The following WWOX variants were observed in gnomAD, a reference collection of about 807,000 sequenced individuals.
The protein encoded by WWOX is WW domain containing oxidoreductase.
Under a neutral mutation model 46.2 loss-of-function variants are expected in WWOX, and 69 were observed. The ratio of observed to expected loss-of-function variants is 1.49; its 90% CI spans 1.23 to 1.82. WWOX has a LOEUF of 1.82. Among genes scored for constraint, WWOX ranks in the 40% most tolerant of loss-of-function variants. The pLI is 0.00. For missense variants in WWOX, 919 were observed against 542.6 expected (o/e 1.69, Z -6.89); for synonymous variants, 359 against 202.6 (o/e 1.77, Z -6.56).
At chr16:78,538,372 A>G (rs2043810338) in intron 8 of WWOX, among the ~76,000 whole-genome samples, 1 of 152,072 alleles carries the variant, frequency 6.6e-6, no homozygotes, top group Admixed American at 6.6e-5. Context: ...TTTGTTTAAT[A>G]TTTTAATTTC....
intron 5 of WWOX, among the ~76,000 whole-genome samples, chr16:78,386,507 G>C (rs913499133): frequency 2.0e-5 from 3 of 152,046 alleles, no homozygotes; most frequent in African/African-American, 7.2e-5. Context: ...CCATGATCGA[G>C]GCGTTGTCGT....
Position 78,927,493 on chromosome 16 carries a change from A to C in WWOX, c.1057-284115A>C, listed in dbSNP as rs549963919. Among the ~76,000 whole-genome samples the C allele has an allele frequency of 2.2e-4, 34 of 152,264 alleles. No homozygotes were observed. In the South Asian group the frequency reaches 6.8e-3, roughly 31 times the overall value. On this transcript the variant is annotated intron_variant, in intron 8 of 8. Coordinates refer to ENST00000566780, the MANE Select transcript of WWOX (RefSeq NM_016373.4). ...TTTTCATCCCCTTGCCTCAGCACGG[A>C]GCCCAGAGCCAGACTGCAGGTAGGC... is the stretch of plus-strand genomic sequence containing the variant.
In WWOX at chr16:78,212,485, T is replaced by C. The variant is rs767860831; in HGVS notation, c.516+48196T>C. Among the ~76,000 whole-genome samples, 50 of 152,324 alleles carry C rather than the reference T, an allele frequency of 3.3e-4. 1 individual carries two copies. Among genetic ancestry groups the C allele is most frequent in the African/African-American group, 1.2e-3 (48 of 41,570 alleles). On this transcript the variant is annotated intron_variant, in intron 5 of 8. Transcript: ENST00000566780. Reference sequence around the variant, plus strand: ...TCTTTGACTACCTCTGTAGTTTATATTGGATTCTGCAAAGTCCCATGAGGA... The same window carrying C: ...TCTTTGACTACCTCTGTAGTTTATACTGGATTCTGCAAAGTCCCATGAGGA...
At chr16:79,157,431 AAAAAAG>A (rs1279672413) in intron 8 of WWOX, among the ~76,000 whole-genome samples, 1 of 146,754 alleles carries the variant, frequency 6.8e-6, no homozygotes. Flanking sequence ...CCAAAAAAAA[AAAAAAG>A]AAAGAAACCA....
chr16:79,068,212 G>A (rs919950075), intron 8 of WWOX, among the ~76,000 whole-genome samples: 1 of 152,162 alleles, frequency 6.6e-6, no homozygotes, highest in African/African-American at 2.4e-5. Flanking sequence ...AAAAATAGTA[G>A]CAACGGTAAC....
chr16:78,546,139 T>G (rs2667647), intron 8 of WWOX, among the ~76,000 whole-genome samples: 1 of 152,026 alleles, frequency 6.6e-6, no homozygotes, highest in African/African-American at 2.4e-5. Context: ...TAAAGAAATT[T>G]ACATAATTAA....
chr16:78,793,700 G>A (rs914851111), intron 8 of WWOX, among the ~76,000 whole-genome samples: 2 of 152,002 alleles, frequency 1.3e-5, no homozygotes, highest in Non-Finnish European at 2.9e-5. Context: ...ATTACATTCA[G>A]AAATGTTGCA....
rs1472064777 is a variant in WWOX at position 78,422,165 on chromosome 16, G to A, written c.606-2705G>A. ...TAAGAAGATACGTGTTTGTCTCATA[G>A]ATTTGTAAGAACTCTTTATATACTA... On this transcript the variant is annotated intron_variant, in intron 6 of 8. Coordinates refer to ENST00000566780, the MANE Select transcript of WWOX (RefSeq NM_016373.4). 4.6e-5 allele frequency among the ~76,000 whole-genome samples: 7 copies of A among 152,224 alleles called. No homozygotes were observed. The East Asian group carries it at 1.4e-3, about 29-fold the overall frequency.
intron 8 of WWOX, among the ~76,000 whole-genome samples, chr16:79,074,384 C>CATCCTGACTG (rs1234519145): frequency 7.5e-6 from 1 of 133,758 alleles, no homozygotes; most frequent in Non-Finnish European, 1.6e-5. Context: ...AGCCGAATCT[C>CATCCTGACTG]ATCCTGACTG....
chr16:79,029,919 C>T (rs1056235069), intron 8 of WWOX, among the ~76,000 whole-genome samples: 1 of 152,132 alleles, frequency 6.6e-6, no homozygotes. Flanking sequence ...GGTCACTTTA[C>T]TGGTATAATA....
At chr16:78,954,423 G>C (rs1270049558) in intron 8 of WWOX, among the ~76,000 whole-genome samples, 2 of 152,188 alleles carry the variant, frequency 1.3e-5, no homozygotes, top group Non-Finnish European at 2.9e-5. Context: ...TGAGTAGTTG[G>C]ATGGATGGAT....
intron 8 of WWOX, among the ~76,000 whole-genome samples, chr16:78,452,293 T>A (rs2151413009): frequency 6.6e-6 from 1 of 152,260 alleles, no homozygotes; most frequent in Admixed American, 6.5e-5. Context: ...CAGATTTAGA[T>A]TTTTTCAATT....
At position 78,362,032 on chromosome 16, in the gene WWOX, T is replaced by G. The variant is rs143474529; in HGVS notation, c.517-24828T>G. Among the ~76,000 whole-genome samples, 713 of 150,934 alleles carry G rather than the reference T, an allele frequency of 4.7e-3. 11 individuals are homozygous for G. The highest frequency in any genetic ancestry group is 0.017 in the African/African-American group (680 of 41,096). ...TTCTGTTGCTGAAACCATTCCAGCT[T>G]TTTCTGGTTGGCTTCTATGAAGGAC... On this transcript the variant is annotated intron_variant, in intron 5 of 8. Transcript: ENST00000566780.
At chr16:79,089,639 A>G (rs781373742) in intron 8 of WWOX, among the ~76,000 whole-genome samples, 8 of 152,296 alleles carry the variant, frequency 5.3e-5, no homozygotes, top group East Asian at 1.9e-4. Flanking sequence ...TAAGGTGGCA[A>G]TCTTTATACA....
At chr16:78,121,658 G>A (rs1421881151) in intron 4 of WWOX, among the ~76,000 whole-genome samples, 2 of 151,230 alleles carry the variant, frequency 1.3e-5, no homozygotes, top group Non-Finnish European at 2.9e-5. Context: ...CTTATCCGTG[G>A]TGTTTCAGTT....
intron 8 of WWOX, among the ~76,000 whole-genome samples, chr16:79,186,516 T>G (rs1381320397): frequency 6.6e-6 from 1 of 152,234 alleles, no homozygotes; most frequent in Admixed American, 6.5e-5. Flanking sequence ...CACATTGGAT[T>G]AAGGGCCTAC....
intron 8 of WWOX, among the ~76,000 whole-genome samples, chr16:78,521,065 T>C (rs1441833729): frequency 3.3e-5 from 5 of 152,158 alleles, no homozygotes; most frequent in Admixed American, 2.6e-4. Flanking sequence ...CCTTGTAGAA[T>C]TGAGTTGATT....
At chr16:78,837,539 C>CTT (rs1395376644) in intron 8 of WWOX, among the ~76,000 whole-genome samples, 1 of 151,964 alleles carries the variant, frequency 6.6e-6, no homozygotes, top group African/African-American at 2.4e-5. Flanking sequence ...GAGTGGGATA[C>CTT]TTTTTTTTAT....
chr16:78,905,475 G>C (rs908358815), intron 8 of WWOX, among the ~76,000 whole-genome samples: 1 of 152,176 alleles, frequency 6.6e-6, no homozygotes, highest in Non-Finnish European at 1.5e-5. Flanking sequence ...TCAACCTCCT[G>C]GGTGCAAGTA....
Sources: allele counts gnomAD v4.1 joint callset (sites outside exome capture counted in the v4.1 genomes callset), GRCh38; gene constraint gnomAD v4.1.1; transcripts MANE v1.5; gene names NCBI Gene and HGNC (gene_info 2026-07-23, HGNC 2026-07-21).